The following NR6A1 variants were observed in gnomAD, a reference collection of about 807,000 sequenced individuals.
NR6A1 encodes nuclear receptor subfamily 6 group A member 1.
In NR6A1, 7 loss-of-function variants were observed where a neutral mutation model predicts 59.1. That is an observed-to-expected ratio of 0.12 (90% CI 0.07 to 0.22). The LOEUF is 0.22. Among genes scored for constraint, NR6A1 ranks in the 10% least tolerant of loss-of-function variants. The probability of loss-of-function intolerance (pLI) is 1.00; values close to 1 mark genes in which losing one functional copy is unlikely to be tolerated. For missense variants in NR6A1, 468 were observed against 611.6 expected (o/e 0.77, Z 2.48); for synonymous variants, 243 against 236.1 (o/e 1.03, Z -0.27).
intron 6 of NR6A1, among the ~76,000 whole-genome samples, chr9:124,537,692 G>A (rs539918706): frequency 6.6e-6 from 1 of 152,304 alleles, no homozygotes; most frequent in South Asian, 2.1e-4. Context: ...CCATGGGGAT[G>A]CTGGTGAGGG....
rs527339455 is a variant in NR6A1, at chr9:124,546,048, G to A, written c.386-2191C>T. On this transcript the variant is annotated intron_variant, in intron 3 of 9. Transcript: ENST00000487099. ...GAGAATTGCTTGAACCCGGGAGGTG[G>A]AGGTTGCGGTGAACTGAGATGGTGC... Among the ~76,000 whole-genome samples the A allele has an allele frequency of 4.6e-5, 7 of 152,340 alleles. No homozygotes were observed. In the East Asian group the frequency reaches 1.2e-3, roughly 25 times the overall value.
intron 2 of NR6A1, among the ~76,000 whole-genome samples, chr9:124,629,582 T>C (rs923273884): frequency 6.6e-6 from 1 of 152,194 alleles, no homozygotes; most frequent in Non-Finnish European, 1.5e-5. Context: ...AAGTTTTGAG[T>C]GTTTTTTCCT....
intron 2 of NR6A1, among the ~76,000 whole-genome samples, chr9:124,590,092 C>CAAAAAAAAAAAAAAAAAAAAAA (rs1327869115): frequency 7.7e-5 from 5 of 64,800 alleles, no homozygotes; most frequent in African/African-American, 2.5e-4. Context: ...AAAAAAAAAG[C>CAAAAAAAAAAAAAAAAAAAAAA]AAAGCTAGTC....
At position 124,761,445 on chromosome 9, in the gene NR6A1, C is replaced by T. The variant is rs529004658; in HGVS notation, c.100+9575G>A. ...CAGCAAGCCCACTACAGGATGAGTT[C>T]TACCTAGTAACTACCCTAAGGAGTA... On this transcript the variant is annotated intron_variant, in intron 1 of 9. Coordinates refer to ENST00000487099, the MANE Select transcript of NR6A1 (RefSeq NM_033334.4). Among the ~76,000 whole-genome samples the T allele has an allele frequency of 3.9e-5, 6 of 152,330 alleles. No individual in the cohort carries two copies. In the East Asian group the frequency reaches 1.2e-3, roughly 29 times the overall value.
intron 2 of NR6A1, among the ~76,000 whole-genome samples, chr9:124,556,476 T>G (rs1833930357): frequency 6.6e-6 from 1 of 151,738 alleles, no homozygotes; most frequent in African/African-American, 2.4e-5. Context: ...TTTTTTTTTT[T>G]TTGAAAGGGA....
chr9:124,766,691 T>G (rs772593531), intron 1 of NR6A1, among the ~76,000 whole-genome samples: 3 of 152,236 alleles, frequency 2.0e-5, no homozygotes, highest in Non-Finnish European at 4.4e-5. Context: ...TGTCATTAAT[T>G]TGGCTATAAA....
chr9:124,671,426 C>T (rs1173708989), intron 2 of NR6A1, among the ~76,000 whole-genome samples: 1 of 152,124 alleles, frequency 6.6e-6, no homozygotes, highest in African/African-American at 2.4e-5. Context: ...TTTCACACGA[C>T]CCCAAATATC....
chr9:124,644,714 G>A (rs1836882017), intron 2 of NR6A1, among the ~76,000 whole-genome samples: 1 of 152,162 alleles, frequency 6.6e-6, no homozygotes, highest in Non-Finnish European at 1.5e-5. Flanking sequence ...TGGTCTCTAT[G>A]ACAGTTTTTA....
chr9:124,680,090 ATGTGTGTGTG>A (rs57251719), intron 2 of NR6A1, among the ~76,000 whole-genome samples: 45 of 143,242 alleles, frequency 3.1e-4, no homozygotes, highest in South Asian at 2.4e-3. Flanking sequence ...GTGTGTATGT[ATGTGTGTGTG>A]TGTGTGTGTG....
chr9:124,526,740 C>T (rs1044896522), intron 8 of NR6A1, 39 bp downstream of exon 8: 7 of 1,608,896 alleles, frequency 4.4e-6, no homozygotes, highest in African/African-American at 2.7e-5. Context: ...GCCTGCCTCC[C>T]GCACTGCAAA....
chr9:124,570,363 A>C (rs1834405443), intron 2 of NR6A1, among the ~76,000 whole-genome samples: 1 of 152,176 alleles, frequency 6.6e-6, no homozygotes, highest in South Asian at 2.1e-4. Context: ...CTTGATTGAG[A>C]CCTGTCTTTG....
chr9:124,635,410 G>A (rs1310861859), intron 2 of NR6A1, among the ~76,000 whole-genome samples: 3 of 152,148 alleles, frequency 2.0e-5, no homozygotes, highest in South Asian at 4.1e-4. Context: ...AGTTTCTCAC[G>A]AGATCTGATG....
chr9:124,576,862 G>C (rs930186282), intron 2 of NR6A1, among the ~76,000 whole-genome samples: 4 of 152,156 alleles, frequency 2.6e-5, no homozygotes, highest in African/African-American at 9.7e-5. Flanking sequence ...TTTGAGACCA[G>C]CTTGGGCAAC....
intron 1 of NR6A1, among the ~76,000 whole-genome samples, chr9:124,740,051 CA>C (rs1389081565): frequency 6.6e-6 from 1 of 152,188 alleles, no homozygotes; most frequent in Non-Finnish European, 1.5e-5. Context: ...CATGATTTGC[CA>C]ACCACTTTAT....
intron 2 of NR6A1, among the ~76,000 whole-genome samples, chr9:124,716,187 A>T (rs1206513550): frequency 6.6e-6 from 1 of 152,218 alleles, no homozygotes; most frequent in Admixed American, 6.5e-5. Context: ...CCTGGGCAGC[A>T]GAGTGAGGCC....
At chr9:124,660,778 C>T (rs534691899) in intron 2 of NR6A1, among the ~76,000 whole-genome samples, 81 of 152,098 alleles carry the variant, frequency 5.3e-4, no homozygotes, top group African/African-American at 1.9e-3. Flanking sequence ...CCCATGTGCT[C>T]GCTTTTCTCA....
chr9:124,728,631 C>T (rs1839795826), intron 2 of NR6A1, among the ~76,000 whole-genome samples: 1 of 106,368 alleles, frequency 9.4e-6, no homozygotes, highest in African/African-American at 5.4e-5. Flanking sequence ...CGAGACTCCG[C>T]CTCAAAAAAT....
chr9:124,687,878 A>G (rs2131011281), intron 2 of NR6A1, among the ~76,000 whole-genome samples: 1 of 152,350 alleles, frequency 6.6e-6, no homozygotes, highest in Admixed American at 6.5e-5. Flanking sequence ...CAAGACTCCC[A>G]GCAGACGCCT....
At chr9:124,597,944 A>G (rs897363808) in intron 2 of NR6A1, among the ~76,000 whole-genome samples, 2 of 152,114 alleles carry the variant, frequency 1.3e-5, no homozygotes, top group African/African-American at 4.8e-5. Context: ...GGCTCAAGCA[A>G]TCCTCCCGCA....
Sources: gnomAD v4.1 joint callset for allele counts (sites outside exome capture counted in the v4.1 genomes callset) on GRCh38, gnomAD v4.1.1 for gene constraint, MANE v1.5 for transcripts, NCBI Gene and HGNC (gene_info 2026-07-23, HGNC 2026-07-21) for gene names.